Variants in EREG observed in about 807,000 individuals in gnomAD.
EREG encodes the protein proepiregulin.
A neutral mutation model predicts 22.4 loss-of-function variants in EREG; 23 were observed. The ratio of observed to expected loss-of-function variants is 1.03; its 90% CI spans 0.74 to 1.46. EREG has a LOEUF of 1.46. Ranked by LOEUF, EREG falls within the 40% of genes most tolerant of loss-of-function variation. The pLI, the probability that EREG is intolerant of heterozygous loss-of-function variation, is 0.00. For synonymous variants in EREG, 100 were observed against 75.4 expected (o/e 1.33, Z -1.69); for missense variants, 226 against 205.9 (o/e 1.10, Z -0.60).
Position 74,388,164 on chromosome 4 carries a change from G to T in EREG, c.*3356G>T, listed in dbSNP as rs1752603054. 1 of 152,064 alleles carries T rather than the reference G, an allele frequency of 6.6e-6. No homozygotes were observed. The highest frequency in any genetic ancestry group is 2.4e-5 in the African/African-American group (1 of 41,410). 9.4% of individuals were successfully genotyped at this position (152,064 alleles called of 1,614,324 possible). A position where few individuals can be genotyped will look rare whatever the true frequency, so the allele number is the denominator to read the frequency against. ...TAGTGTCTGACTTTTGTTAAATTCA[G>T]TAATGCAGTTTTTAAAAACCTGTAT... On this transcript the variant is annotated 3_prime_UTR_variant, in exon 5 of 5. Coordinates refer to ENST00000244869, the MANE Select transcript of EREG (RefSeq NM_001432.3).
intron 3 of EREG, chr4:74,382,116 C>G (rs1179442012): frequency 6.6e-6 from 1 of 152,470 alleles, no homozygotes; most frequent in Non-Finnish European, 1.5e-5. Context: ...ACCAGCCTGG[C>G]CAACATGGTG....
chr4:74,365,333 A>T lies in EREG; in HGVS notation c.25A>T (p.Met9Leu), dbSNP rs751359339. The change falls in exon 1 of 5, where the codon ATG becomes TTG. Residue 9 changes from methionine (M) to leucine (L), a missense_variant. Coordinates refer to ENST00000244869, the MANE Select transcript of EREG (RefSeq NM_001432.3). MTAGRRME[M>L]LCAGRVPALL... ...GATGACCGCGGGGAGGAGGATGGAG[A>T]TGCTCTGTGCCGGCAGGGTCCCTGC... 1 of 1,608,532 alleles carries T rather than the reference A, an allele frequency of 6.2e-7. No individual in the cohort carries two copies. The highest frequency in any genetic ancestry group is 1.7e-5 in the Admixed American group (1 of 60,012).
rs1752586652 is a variant in EREG, at chr4:74,387,401, G to T, written c.*2593G>T. On this transcript the variant is annotated 3_prime_UTR_variant, in exon 5 of 5. Coordinates refer to ENST00000244869, the MANE Select transcript of EREG (RefSeq NM_001432.3). Reference sequence around the variant, plus strand: ...TTCATTTACAAAAGATTTATTGTAAGCATCTCAATCTTGGTTTGTCAGTTT... The same window carrying T: ...TTCATTTACAAAAGATTTATTGTAATCATCTCAATCTTGGTTTGTCAGTTT... The T allele has an allele frequency of 6.6e-6, 1 of 152,024 alleles. No individual in the cohort carries two copies. The highest frequency in any genetic ancestry group is 2.4e-5 in the African/African-American group (1 of 41,394). 9.4% of individuals were successfully genotyped at this position (152,024 alleles called of 1,614,324 possible). A position where few individuals can be genotyped will look rare whatever the true frequency, so the allele number is the denominator to read the frequency against.
At chr4:74,382,593 A>G in intron 3 of EREG, 52 bp from the exon 4 acceptor site, 1 of 1,459,888 alleles carries the variant, frequency 6.8e-7, no homozygotes, top group Admixed American at 2.1e-5. Flanking sequence ...ATTCATAACC[A>G]TGATTTCCTT....
At chr4:74,384,453 C>G (rs1229769820) in intron 4 of EREG, among the ~76,000 whole-genome samples, 1 of 152,080 alleles carries the variant, frequency 6.6e-6, no homozygotes, top group East Asian at 1.9e-4. Context: ...TGGCCACACG[C>G]CTCTTGGAAT....
chr4:74,377,141 C>T (rs1752395137), intron 1 of EREG, among the ~76,000 whole-genome samples: 1 of 143,966 alleles, frequency 6.9e-6, no homozygotes, highest in South Asian at 2.2e-4. Flanking sequence ...CATTTATGGG[C>T]TGTGACAGCC....
In EREG at chr4:74,382,671, G is replaced by A. The variant is rs761105340; in HGVS notation, c.305G>A (p.Arg102Gln). The stretch of plus-strand genomic sequence containing the variant: ...TGTGAAGTGGGTTATACTGGTGTCC[G>A]ATGTGAACACTTCTTTTTAACCGTC... ...CRCEVGYTGVRCEHFFLTVHQ... is the reference protein window; with the variant it reads ...CRCEVGYTGVQCEHFFLTVHQ... The change falls in exon 4 of 5, where the codon CGA (arginine) becomes CAA (glutamine). Residue 102 changes from arginine (R) to glutamine (Q), a missense_variant. Transcript: ENST00000244869. The A allele has an allele frequency of 5.6e-6, 9 of 1,611,784 alleles. No homozygotes were observed. Among genetic ancestry groups the A allele is most frequent in the South Asian group, 1.1e-5 (1 of 90,782 alleles).
rs1181181224 is a variant in EREG at position 74,388,180 on chromosome 4, A to T, written c.*3372A>T. The T allele has an allele frequency of 6.6e-6, 1 of 152,192 alleles. No individual in the cohort carries two copies. Among genetic ancestry groups the T allele is most frequent in the Admixed American group, 6.5e-5 (1 of 15,272 alleles). The allele number at this position is 152,192 out of a possible 1,614,324, so 9.4% of individuals were successfully genotyped here. The stretch of plus-strand genomic sequence containing the variant: ...TTAAATTCAGTAATGCAGTTTTTAA[A>T]AACCTGTATCTGACCCACTTTGTAA... On this transcript the variant is annotated 3_prime_UTR_variant, in exon 5 of 5. Transcript: ENST00000244869.
At chr4:74,380,785 T>C (rs1453076716) in intron 2 of EREG, among the ~76,000 whole-genome samples, 1 of 152,222 alleles carries the variant, frequency 6.6e-6, no homozygotes, top group Non-Finnish European at 1.5e-5. Context: ...TCCTTTCATG[T>C]TATCTTCTTT....
At chr4:74,369,503 G>A (rs1002053799) in intron 1 of EREG, among the ~76,000 whole-genome samples, 17 of 152,178 alleles carry the variant, frequency 1.1e-4, no homozygotes, top group African/African-American at 2.4e-4. Context: ...AATTTGCTGC[G>A]AAAGACATTA....
chr4:74,377,226 A>G (rs891863376), intron 1 of EREG, among the ~76,000 whole-genome samples: 2 of 152,138 alleles, frequency 1.3e-5, no homozygotes, highest in African/African-American at 4.8e-5. Flanking sequence ...GATAGGAAAA[A>G]TTAACACCCA....
rs370338402 is a variant in EREG at position 74,365,665 on chromosome 4, C to CTTTTT, written c.67+301_67+305dup. Among the ~76,000 whole-genome samples the CTTTTT allele has an allele frequency of 1.5e-4, 21 of 139,100 alleles. 1 individual carries two copies. In the South Asian group the frequency reaches 2.0e-3, roughly 14 times the overall value. The allele number at this position is 139,100 out of a possible 152,430, so 91.3% of individuals were successfully genotyped here. A position where few individuals can be genotyped will look rare whatever the true frequency, so the allele number is the denominator to read the frequency against. ...ACAAAATAAAAAGTTGTTGAAAAAG[C>CTTTTT]TTTTTTTTTTTTTTTGAAAAGTTGC... is the stretch of plus-strand genomic sequence containing the variant. On this transcript the variant is annotated intron_variant, in intron 1 of 4. Coordinates refer to ENST00000244869, the MANE Select transcript of EREG (RefSeq NM_001432.3).
chr4:74,373,787 CT>C (rs1431270211), intron 1 of EREG, among the ~76,000 whole-genome samples: 1 of 151,536 alleles, frequency 6.6e-6, no homozygotes, highest in Non-Finnish European at 1.5e-5. Flanking sequence ...TATATACTCT[CT>C]GAAAAGTAGG....
At chr4:74,381,951 C>A (rs1752483242) in intron 3 of EREG, 3 of 120,064 alleles carry the variant, frequency 2.5e-5, no homozygotes, top group Non-Finnish European at 4.8e-5. Flanking sequence ...TGCCACTGTA[C>A]TCCAGCCTGG....
intron 1 of EREG, among the ~76,000 whole-genome samples, chr4:74,373,712 GTA>G (rs943783110): frequency 2.7e-5 from 4 of 146,930 alleles, no homozygotes; most frequent in Non-Finnish European, 6.0e-5. Flanking sequence ...ATATATGTAT[GTA>G]TATATATAAG....
At chr4:74,373,261 T>C (rs1022075434) in intron 1 of EREG, among the ~76,000 whole-genome samples, 3 of 152,138 alleles carry the variant, frequency 2.0e-5, no homozygotes, top group African/African-American at 7.2e-5. Flanking sequence ...TATGATAATA[T>C]GTAAGCGAAA....
intron 1 of EREG, among the ~76,000 whole-genome samples, chr4:74,373,353 G>A (rs1752325695): frequency 6.6e-6 from 1 of 151,724 alleles, no homozygotes; most frequent in African/African-American, 2.4e-5. Flanking sequence ...AGAAACACAT[G>A]GCATATTAAT....
rs775568426 is a variant in EREG, at chr4:74,365,304, C to T, written c.-5C>T. The T allele has an allele frequency of 2.5e-6, 4 of 1,603,022 alleles. No homozygotes were observed. Among genetic ancestry groups the T allele is most frequent in the Non-Finnish European group, 3.4e-6 (4 of 1,179,578 alleles). On this transcript the variant is annotated 5_prime_UTR_variant, in exon 1 of 5. Coordinates refer to ENST00000244869, the MANE Select transcript of EREG (RefSeq NM_001432.3). ...GCCAAGCCCCAGCGCCCGCTCCCAT[C>T]GCCGATGACCGCGGGGAGGAGGATG...
chr4:74,366,779 G>T (rs1475181110), intron 1 of EREG, among the ~76,000 whole-genome samples: 1 of 152,140 alleles, frequency 6.6e-6, no homozygotes, highest in Non-Finnish European at 1.5e-5. Flanking sequence ...TTGTTGTCAT[G>T]AAAGTGCTTA....
Sources: gnomAD v4.1 joint callset for allele counts (sites outside exome capture counted in the v4.1 genomes callset) on GRCh38, gnomAD v4.1.1 for gene constraint, MANE v1.5 for transcripts, NCBI Gene and HGNC (gene_info 2026-07-23, HGNC 2026-07-21) for gene names.